TBCK: variants seen among roughly 807,000 people sequenced by gnomAD.
The protein encoded by TBCK is TBC domain-containing protein kinase-like protein.
TBCK carries 99 observed loss-of-function variants against 113.4 expected under a neutral mutation model. That is an observed-to-expected ratio of 0.87 (90% CI 0.74 to 1.03). TBCK has a LOEUF of 1.03. Among genes scored for constraint, TBCK ranks in the 50% least tolerant of loss-of-function variants. The pLI is 0.00. For synonymous variants in TBCK, 369 were observed against 370.8 expected (o/e 1.00, Z 0.05); for missense variants, 1,045 against 1,061.3 (o/e 0.98, Z 0.21).
At chr4:106,314,701 T>C (rs527926670) in intron 1 of TBCK, among the ~76,000 whole-genome samples, 4 of 144,758 alleles carry the variant, frequency 2.8e-5, no homozygotes, top group African/African-American at 7.7e-5. Context: ...CTCGGCTCAC[T>C]GCATCCTTCC....
At chr4:106,240,336 A>G (rs11097925) in intron 12 of TBCK, among the ~76,000 whole-genome samples, 21,453 of 151,948 alleles carry the variant, frequency 0.14, 1,709 homozygotes, top group South Asian at 0.25. Flanking sequence ...AGCGTTATAG[A>G]CGCTCAGCAA....
chr4:106,282,844 T>C (rs1301474726), intron 3 of TBCK, among the ~76,000 whole-genome samples: 4 of 152,120 alleles, frequency 2.6e-5, no homozygotes, highest in Non-Finnish European at 4.4e-5. Flanking sequence ...ACAAGAAATG[T>C]AGATGGCCTC....
intron 3 of TBCK, among the ~76,000 whole-genome samples, chr4:106,273,914 C>A (rs1226800414): frequency 6.6e-6 from 1 of 152,192 alleles, no homozygotes; most frequent in Admixed American, 6.5e-5. Context: ...ATAAAATGTT[C>A]CAACTTTCCA....
intron 23 of TBCK, among the ~76,000 whole-genome samples, chr4:106,159,060 A>T (rs1749446690): frequency 6.6e-6 from 1 of 151,964 alleles, no homozygotes; most frequent in Admixed American, 6.6e-5. Context: ...CCACATGATC[A>T]TCTAAATTGA....
chr4:106,108,125 A>T (rs1742393350), intron 24 of TBCK, among the ~76,000 whole-genome samples: 1 of 152,106 alleles, frequency 6.6e-6, no homozygotes, highest in Non-Finnish European at 1.5e-5. Flanking sequence ...TAGCCTACCA[A>T]CCAAAAAAAA....
chr4:106,044,691 C>T lies in TBCK; in HGVS notation c.*1879G>A, dbSNP rs1734061372. The T allele has an allele frequency of 6.6e-6, 1 of 152,078 alleles. No individual in the cohort carries two copies. The highest frequency in any genetic ancestry group is 1.5e-5 in the Non-Finnish European group (1 of 68,030). The allele number at this position is 152,078 out of a possible 1,614,324, so 9.4% of individuals were successfully genotyped here. ...TGCTGATCAGGTAGACAATTGCATA[C>T]AATGAAAGTATTCTGGATAATACTG... On this transcript the variant is annotated 3_prime_UTR_variant, in exon 26 of 26. Coordinates refer to ENST00000394708, the MANE Select transcript of TBCK (RefSeq NM_001163435.3).
At chr4:106,167,287 C>A (rs1291507291) in intron 23 of TBCK, among the ~76,000 whole-genome samples, 1 of 149,998 alleles carries the variant, frequency 6.7e-6, no homozygotes, top group African/African-American at 2.4e-5. Flanking sequence ...CATACTTAGA[C>A]ACGAAACAGA....
chr4:106,044,040 A>G lies in TBCK; in HGVS notation c.*2530T>C, dbSNP rs2149435946. On this transcript the variant is annotated 3_prime_UTR_variant, in exon 26 of 26. Coordinates refer to ENST00000394708, the MANE Select transcript of TBCK (RefSeq NM_001163435.3). Reference sequence around the variant, plus strand: ...TAATTTTCATGTTTAAAAAACTTCAATTTCTTGGAATAAGCCTAAATGTGT... The same window carrying G: ...TAATTTTCATGTTTAAAAAACTTCAGTTTCTTGGAATAAGCCTAAATGTGT... 1 of 152,288 alleles carries G rather than the reference A, an allele frequency of 6.6e-6. No homozygotes were observed. The highest frequency in any genetic ancestry group is 2.4e-5 in the African/African-American group (1 of 41,564). 9.4% of individuals were successfully genotyped at this position (152,288 alleles called of 1,614,324 possible).
intron 25 of TBCK, among the ~76,000 whole-genome samples, chr4:106,065,803 G>A (rs1472570757): frequency 6.6e-6 from 1 of 151,982 alleles, no homozygotes; most frequent in East Asian, 1.9e-4. Flanking sequence ...ACTGACAAGT[G>A]GGATTTAGCA....
chr4:106,158,354 C>T (rs1029027637), intron 23 of TBCK, among the ~76,000 whole-genome samples: 1 of 152,038 alleles, frequency 6.6e-6, no homozygotes, highest in African/African-American at 2.4e-5. Flanking sequence ...ACCAGCCTGG[C>T]CAACATGGTA....
At chr4:106,145,123 T>C (rs888120746) in intron 23 of TBCK, among the ~76,000 whole-genome samples, 7 of 151,140 alleles carry the variant, frequency 4.6e-5, no homozygotes, top group Non-Finnish European at 7.4e-5. Flanking sequence ...ATTGAGACCA[T>C]CCTGGCCAAC....
chr4:106,240,836 T>C (rs1021703626), intron 12 of TBCK, among the ~76,000 whole-genome samples: 5 of 151,964 alleles, frequency 3.3e-5, no homozygotes, highest in Non-Finnish European at 7.4e-5. Context: ...AAGATAGACA[T>C]GTGATAAAGC....
intron 22 of TBCK, among the ~76,000 whole-genome samples, chr4:106,186,386 C>T (rs916771403): frequency 6.6e-6 from 1 of 152,120 alleles, no homozygotes; most frequent in Non-Finnish European, 1.5e-5. Context: ...TGCAACATCA[C>T]CAGCATCTGT....
chr4:106,187,224 CT>C (rs1428910462), intron 22 of TBCK, among the ~76,000 whole-genome samples: 3 of 151,900 alleles, frequency 2.0e-5, no homozygotes, highest in African/African-American at 2.4e-5. Flanking sequence ...GATTCGGGCT[CT>C]TTTTTGGTTC....
At chr4:106,051,929 A>G (rs1734856424) in intron 25 of TBCK, among the ~76,000 whole-genome samples, 1 of 151,858 alleles carries the variant, frequency 6.6e-6, no homozygotes, top group Non-Finnish European at 1.5e-5. Flanking sequence ...AGTAGGAAAG[A>G]GGTGGGAATG....
At chr4:106,123,699 T>C (rs1267045914) in intron 23 of TBCK, among the ~76,000 whole-genome samples, 19 of 152,060 alleles carry the variant, frequency 1.2e-4, no homozygotes, top group African/African-American at 4.8e-5. Context: ...TAACGTCGCA[T>C]ATCTACAACT....
intron 4 of TBCK, among the ~76,000 whole-genome samples, chr4:106,261,277 T>C (rs1762479440): frequency 6.6e-6 from 1 of 152,086 alleles, no homozygotes; most frequent in East Asian, 1.9e-4. Context: ...TTTTCTATTT[T>C]TGTGTTTGTG....
chr4:106,200,922 T>C (rs937548031), intron 20 of TBCK, among the ~76,000 whole-genome samples: 4 of 152,162 alleles, frequency 2.6e-5, no homozygotes, highest in African/African-American at 7.2e-5. Flanking sequence ...TATGAAATAA[T>C]GAGAAAATGA....
chr4:106,305,690 T>G (rs1196029357), intron 2 of TBCK, among the ~76,000 whole-genome samples: 4 of 152,088 alleles, frequency 2.6e-5, no homozygotes, highest in Non-Finnish European at 4.4e-5. Flanking sequence ...TAAGGCATTC[T>G]TAGTCACAGG....
Sources: allele counts gnomAD v4.1 joint callset (sites outside exome capture counted in the v4.1 genomes callset), GRCh38; gene constraint gnomAD v4.1.1; transcripts MANE v1.5; gene names NCBI Gene and HGNC (gene_info 2026-07-23, HGNC 2026-07-21).